NUGGC: variants seen among roughly 807,000 people sequenced by gnomAD.
The protein encoded by NUGGC is nuclear GTPase, germinal center associated.
Under a neutral mutation model 92.6 loss-of-function variants are expected in NUGGC, and 58 were observed. That is an observed-to-expected ratio of 0.63 (90% confidence interval 0.51 to 0.78). The LOEUF (loss-of-function observed/expected upper bound fraction) is 0.78. Among genes scored for constraint, NUGGC ranks in the 30% least tolerant of loss-of-function variants. The pLI, the probability that NUGGC is intolerant of heterozygous loss-of-function variation, is 0.00. For missense variants in NUGGC, 925 were observed against 964.6 expected, an observed-to-expected ratio of 0.96 and a Z score of 0.54; for synonymous variants, 376 against 366.4, an observed-to-expected ratio of 1.03 and a Z score of -0.30.
At chr8:28,074,162 C>T (rs1471788409) in intron 2 of NUGGC, among the ~76,000 whole-genome samples, 2 of 151,344 alleles carry the variant, frequency 1.3e-5, no homozygotes, top group Non-Finnish European at 2.9e-5. Flanking sequence ...CCAAACAGTT[C>T]ACTTCATTAT....
intron 14 of NUGGC, among the ~76,000 whole-genome samples, chr8:28,032,481 G>A (rs1353539852): frequency 1.3e-5 from 2 of 152,114 alleles, no homozygotes; most frequent in African/African-American, 4.8e-5. Context: ...ACTTTGGGAG[G>A]CCGAGGCGGG....
chr8:28,063,587 G>C (rs1035758268), intron 7 of NUGGC, among the ~76,000 whole-genome samples: 1 of 152,172 alleles, frequency 6.6e-6, no homozygotes, highest in African/African-American at 2.4e-5. Context: ...GGTAGATAGA[G>C]CCCCAGCAGG....
intron 2 of NUGGC, among the ~76,000 whole-genome samples, chr8:28,072,246 G>C (rs531992519): frequency 1.3e-5 from 2 of 152,268 alleles, no homozygotes; most frequent in East Asian, 3.9e-4. Context: ...TCAAGAATTC[G>C]CCCTGGCTCG....
chr8:28,076,411 G>A (rs888113724), intron 1 of NUGGC, among the ~76,000 whole-genome samples: 1 of 152,200 alleles, frequency 6.6e-6, no homozygotes, highest in African/African-American at 2.4e-5. Flanking sequence ...CGATTTTCCT[G>A]CCTCAGCCTC....
At chr8:28,063,021 G>A (rs142829572) in intron 7 of NUGGC, among the ~76,000 whole-genome samples, 1 of 152,146 alleles carries the variant, frequency 6.6e-6, no homozygotes, top group Non-Finnish European at 1.5e-5. Context: ...GGGACTTAGA[G>A]GAGTTCAGAG....
intron 1 of NUGGC, among the ~76,000 whole-genome samples, chr8:28,076,996 T>C (rs993975674): frequency 8.5e-5 from 13 of 152,226 alleles, no homozygotes; most frequent in African/African-American, 1.2e-4. Context: ...GAACCTATAT[T>C]GATATGACCA....
chr8:28,043,299 G>A (rs1809746546), intron 12 of NUGGC, among the ~76,000 whole-genome samples: 2 of 152,174 alleles, frequency 1.3e-5, no homozygotes, highest in African/African-American at 4.8e-5. Flanking sequence ...ATTTGACATT[G>A]AGATGTGGTC....
chr8:28,048,639 G>A (rs7001345), intron 10 of NUGGC, among the ~76,000 whole-genome samples: 1,969 of 152,064 alleles, frequency 0.013, 40 homozygotes, highest in African/African-American at 0.044. Flanking sequence ...CAAGGCAGGC[G>A]GATCACAAGG....
At chr8:28,049,979 C>T (rs1177747689) in intron 10 of NUGGC, among the ~76,000 whole-genome samples, 2 of 151,958 alleles carry the variant, frequency 1.3e-5, no homozygotes, top group African/African-American at 4.8e-5. Flanking sequence ...CCCAACTACT[C>T]GGGAGGCTGA....
At position 28,031,252 on chromosome 8, in the gene NUGGC, C is replaced by A. The variant is rs1315458904; in HGVS notation, c.1899G>T (p.Leu633=). The change falls in exon 15 of 19, where the codon CTG becomes CTT. Residue 633 remains leucine, a synonymous_variant. Transcript: ENST00000413272. The stretch of plus-strand genomic sequence containing the variant: ...TTTATAAGGAACGTACCTCCTGGAT[C>A]AGGAAATTTTTTTTGCAGCTATCAT... ...WKYDSCKKNF[L]IQEISAILGG... The A allele has an allele frequency of 6.2e-7, 1 of 1,614,052 alleles. No individual in the cohort carries two copies. Among genetic ancestry groups the A allele is most frequent in the Non-Finnish European group, 8.5e-7 (1 of 1,179,898 alleles).
intron 2 of NUGGC, 108 bp downstream of exon 2, chr8:28,074,260 T>C (rs1459758819): frequency 6.4e-6 from 5 of 776,548 alleles, no homozygotes; most frequent in Non-Finnish European, 9.1e-6. Context: ...GAATAAAGAG[T>C]AAGGAACAAT....
chr8:28,077,211 G>GA (rs377405085), intron 1 of NUGGC, among the ~76,000 whole-genome samples: 21 of 149,682 alleles, frequency 1.4e-4, no homozygotes, highest in South Asian at 2.1e-4. Flanking sequence ...TGAGCTACAA[G>GA]AAAAAAAAAG....
intron 10 of NUGGC, among the ~76,000 whole-genome samples, chr8:28,053,215 T>C (rs544659879): frequency 6.6e-6 from 1 of 152,292 alleles, no homozygotes; most frequent in South Asian, 2.1e-4. Context: ...TCCCAGTGCT[T>C]TGGGAGGCCC....
chr8:28,034,536 C>G (rs1349154490), intron 13 of NUGGC, among the ~76,000 whole-genome samples: 1 of 152,148 alleles, frequency 6.6e-6, no homozygotes, highest in Admixed American at 6.6e-5. Flanking sequence ...ATGTTCCAGG[C>G]CAGATGCAGT....
At chr8:28,038,324 G>A (rs74758402) in intron 13 of NUGGC, among the ~76,000 whole-genome samples, 2 of 152,170 alleles carry the variant, frequency 1.3e-5, no homozygotes, top group African/African-American at 4.8e-5. Context: ...TCTGAGCAGG[G>A]ATGTATCTTT....
At chr8:28,027,924 A>G (rs976493387) in intron 17 of NUGGC, among the ~76,000 whole-genome samples, 1 of 152,226 alleles carries the variant, frequency 6.6e-6, no homozygotes, top group Non-Finnish European at 1.5e-5. Flanking sequence ...ATACTATTCC[A>G]TTCTTTAATT....
At chr8:28,034,457 TTC>T (rs1292326829) in intron 13 of NUGGC, among the ~76,000 whole-genome samples, 3 of 152,244 alleles carry the variant, frequency 2.0e-5, no homozygotes, top group Non-Finnish European at 4.4e-5. Flanking sequence ...ATTGGTATAA[TTC>T]TCTCTTTTTT....
At chr8:28,069,320 G>C (rs896951794) in intron 4 of NUGGC, among the ~76,000 whole-genome samples, 23 of 152,162 alleles carry the variant, frequency 1.5e-4, no homozygotes, top group Admixed American at 5.9e-4. Flanking sequence ...CTTTATAGGA[G>C]TGTTGGATGG....
intron 1 of NUGGC, among the ~76,000 whole-genome samples, chr8:28,078,888 C>T (rs2130292247): frequency 6.6e-6 from 1 of 152,278 alleles, no homozygotes; most frequent in East Asian, 1.9e-4. Flanking sequence ...CAATTGATAA[C>T]AGTCCAAATT....
Sources: allele counts gnomAD v4.1 joint callset (sites outside exome capture counted in the v4.1 genomes callset), GRCh38; gene constraint gnomAD v4.1.1; transcripts MANE v1.5; gene names NCBI Gene and HGNC (gene_info 2026-07-23, HGNC 2026-07-21).